The following MBOAT1 variants were observed in gnomAD, a reference collection of about 807,000 sequenced individuals.
MBOAT1 encodes the protein membrane bound glycerophospholipid O-acyltransferase 1, also known as membrane-bound glycerophospholipid O-acyltransferase 1.
A neutral mutation model predicts 64.4 loss-of-function variants in MBOAT1; 67 were observed. The observed-to-expected ratio is 1.04, with a 90% CI of 0.85 to 1.27. The LOEUF (loss-of-function observed/expected upper bound fraction) is 1.27. MBOAT1 is among the 50% of genes most tolerant of loss of function. The pLI, the probability that MBOAT1 is intolerant of heterozygous loss-of-function variation, is 0.00. For synonymous variants in MBOAT1, 229 were observed against 218.9 expected (o/e 1.05, Z -0.41); for missense variants, 563 against 604.6 (o/e 0.93, Z 0.72).
intron 11 of MBOAT1, 87 bp downstream of exon 11, chr6:20,112,789 C>T (rs1449341673): frequency 6.2e-6 from 9 of 1,450,034 alleles, no homozygotes; most frequent in Non-Finnish European, 8.4e-6. Flanking sequence ...ACATCCCACC[C>T]CCAACCCCTA....
chr6:20,171,024 G>T (rs2113725518), intron 1 of MBOAT1, among the ~76,000 whole-genome samples: 1 of 152,202 alleles, frequency 6.6e-6, no homozygotes, highest in East Asian at 1.9e-4. Context: ...GGTAATAAAG[G>T]CCTTGAAAGA....
intron 12 of MBOAT1, among the ~76,000 whole-genome samples, chr6:20,108,100 G>C (rs1256900456): frequency 1.3e-5 from 2 of 152,166 alleles, no homozygotes; most frequent in Non-Finnish European, 2.9e-5. Flanking sequence ...CCCAGTGAAG[G>C]GGGCTCCTGT....
At chr6:20,105,742 A>C (rs1299094442) in intron 12 of MBOAT1, among the ~76,000 whole-genome samples, 2 of 152,242 alleles carry the variant, frequency 1.3e-5, no homozygotes, top group Non-Finnish European at 2.9e-5. Flanking sequence ...CAATCGCGCC[A>C]CTGCACTCCA....
At chr6:20,139,156 C>T (rs1396243678) in intron 4 of MBOAT1, among the ~76,000 whole-genome samples, 1 of 152,180 alleles carries the variant, frequency 6.6e-6, no homozygotes, top group Non-Finnish European at 1.5e-5. Flanking sequence ...GACCAAGTCT[C>T]ACCCTGTCGC....
At chr6:20,123,913 C>T (rs1035922770) in intron 8 of MBOAT1, among the ~76,000 whole-genome samples, 1 of 152,042 alleles carries the variant, frequency 6.6e-6, no homozygotes, top group Non-Finnish European at 1.5e-5. Flanking sequence ...AAAAAATTAG[C>T]TGGGTGTGGT....
intron 1 of MBOAT1, among the ~76,000 whole-genome samples, chr6:20,177,646 A>C (rs1011643623): frequency 2.0e-4 from 30 of 151,654 alleles, no homozygotes; most frequent in Non-Finnish European, 3.8e-4. Flanking sequence ...TGGTGGTGGG[A>C]GCCTGTAGTC....
intron 1 of MBOAT1, among the ~76,000 whole-genome samples, chr6:20,168,336 G>A (rs1373245715): frequency 3.3e-5 from 5 of 151,954 alleles, no homozygotes; most frequent in South Asian, 2.1e-4. Flanking sequence ...ATAATGGCAC[G>A]TGCCTGTAGT....
chr6:20,108,763 C>T (rs1760033939), intron 12 of MBOAT1, among the ~76,000 whole-genome samples: 1 of 152,218 alleles, frequency 6.6e-6, no homozygotes, highest in South Asian at 2.1e-4. Context: ...ATGCCAGATA[C>T]TGGCCAGAGC....
chr6:20,120,625 C>T (rs936174240), intron 8 of MBOAT1, among the ~76,000 whole-genome samples: 5 of 151,862 alleles, frequency 3.3e-5, no homozygotes, highest in East Asian at 1.9e-4. Context: ...GCCAAGATCG[C>T]GCCATTGCAC....
At chr6:20,147,885 A>G (rs1416757551) in intron 3 of MBOAT1, among the ~76,000 whole-genome samples, 1 of 152,242 alleles carries the variant, frequency 6.6e-6, no homozygotes, top group Non-Finnish European at 1.5e-5. Flanking sequence ...GAAATAAAGT[A>G]TATTAAAAAG....
chr6:20,113,644 C>T (rs1760237840), intron 10 of MBOAT1, among the ~76,000 whole-genome samples: 1 of 151,920 alleles, frequency 6.6e-6, no homozygotes, highest in Non-Finnish European at 1.5e-5. Flanking sequence ...GACAATCTAG[C>T]AAATGTCAGC....
intron 8 of MBOAT1, among the ~76,000 whole-genome samples, chr6:20,118,792 G>GC (rs1760410461): frequency 6.6e-6 from 1 of 152,176 alleles, no homozygotes; most frequent in African/African-American, 2.4e-5. Context: ...GAGGAAAGAA[G>GC]CTAGATGTCC....
rs1324100133 is a variant in MBOAT1 at position 20,212,303 on chromosome 6, C to T, written c.-69G>A. 2 of 1,468,534 alleles carry T rather than the reference C, an allele frequency of 1.4e-6. No individual in the cohort carries two copies. Among genetic ancestry groups the T allele is most frequent in the Admixed American group, 1.9e-5 (1 of 51,588 alleles). The allele number at this position is 1,468,534 out of a possible 1,614,324, so 91.0% of individuals were successfully genotyped here. Reference sequence around the variant, plus strand: ...ACCCCCTGCTCGGCGTCCTCCCGCCCGGGTGCTCTTGGGTGGTTGCCCCGA... The same window carrying T: ...ACCCCCTGCTCGGCGTCCTCCCGCCTGGGTGCTCTTGGGTGGTTGCCCCGA... On this transcript the variant is annotated 5_prime_UTR_variant, in exon 1 of 13. Transcript: ENST00000324607.
chr6:20,210,572 G>C (rs1230213786), intron 1 of MBOAT1, among the ~76,000 whole-genome samples: 1 of 151,650 alleles, frequency 6.6e-6, no homozygotes, highest in Non-Finnish European at 1.5e-5. Flanking sequence ...GTTTATCCCA[G>C]AAGTCTCTCC....
At chr6:20,204,646 G>A (rs1300134924) in intron 1 of MBOAT1, among the ~76,000 whole-genome samples, 4 of 152,194 alleles carry the variant, frequency 2.6e-5, no homozygotes, top group Admixed American at 2.0e-4. Context: ...GGACCAGGAT[G>A]AGGAATAAAC....
chr6:20,148,240 A>C (rs1561763475), intron 3 of MBOAT1, among the ~76,000 whole-genome samples: 1 of 152,190 alleles, frequency 6.6e-6, no homozygotes. Context: ...AACATGGTGA[A>C]ACCCTGTCTC....
intron 1 of MBOAT1, 83 bp downstream of exon 1, chr6:20,212,053 G>C: frequency 8.1e-7 from 1 of 1,242,176 alleles, no homozygotes; most frequent in Non-Finnish European, 1.1e-6. Flanking sequence ...TGGAGGCGGA[G>C]GGACGGTGGC....
chr6:20,102,184 A>G lies in MBOAT1; in HGVS notation c.*102T>C. The G allele has an allele frequency of 5.4e-6, 6 of 1,106,854 alleles. No individual in the cohort carries two copies. The highest frequency in any genetic ancestry group is 5.1e-6 in the Non-Finnish European group (4 of 786,422). 68.6% of individuals were successfully genotyped at this position (1,106,854 alleles called of 1,614,324 possible). On this transcript the variant is annotated 3_prime_UTR_variant, in exon 13 of 13. Transcript: ENST00000324607. ...TTAAAAAAGAACAAAATAAAGATGC[A>G]TGTAAACATCGCCTCTAAGCCACCG...
chr6:20,141,185 G>A (rs1761159707), intron 4 of MBOAT1, among the ~76,000 whole-genome samples: 1 of 152,128 alleles, frequency 6.6e-6, no homozygotes, highest in African/African-American at 2.4e-5. Context: ...TCAGGGAAAT[G>A]AGCAAAGCAC....
Sources: gnomAD v4.1 joint callset for allele counts (sites outside exome capture counted in the v4.1 genomes callset) on GRCh38, gnomAD v4.1.1 for gene constraint, MANE v1.5 for transcripts, NCBI Gene and HGNC (gene_info 2026-07-23, HGNC 2026-07-21) for gene names.